EXTL3: variants seen among roughly 807,000 people sequenced by gnomAD.
EXTL3 encodes exostosin-like 3.
In EXTL3, 27 loss-of-function variants were observed where a neutral mutation model predicts 69.3. The observed-to-expected ratio is 0.39, with a 90% CI of 0.29 to 0.54. EXTL3 has a LOEUF of 0.54. Among genes scored for constraint, EXTL3 ranks in the 20% least tolerant of loss-of-function variants. The pLI is 0.69. For synonymous variants in EXTL3, 511 were observed against 499.4 expected (o/e 1.02, Z -0.31); for missense variants, 1,003 against 1,231.8 (o/e 0.81, Z 2.78).
In EXTL3 at chr8:28,754,156, C is replaced by T. The variant is rs1802071066; in HGVS notation, c.*3290C>T. 1 of 152,102 alleles carries T rather than the reference C, an allele frequency of 6.6e-6. No homozygotes were observed. Among genetic ancestry groups the T allele is most frequent in the Admixed American group, 6.6e-5 (1 of 15,240 alleles). 9.4% of individuals were successfully genotyped at this position (152,102 alleles called of 1,614,324 possible). A position where few individuals can be genotyped will look rare whatever the true frequency, so the allele number is the denominator to read the frequency against. ...TCGGTCCATAGGTCATGCCCCTGAC[C>T]TATAGGTCACTAAGGCACCTGTACC... On this transcript the variant is annotated 3_prime_UTR_variant, in exon 7 of 7. Coordinates refer to ENST00000220562, the MANE Select transcript of EXTL3 (RefSeq NM_001440.4).
intron 6 of EXTL3, among the ~76,000 whole-genome samples, chr8:28,749,580 C>T (rs149254691): frequency 6.6e-6 from 1 of 152,350 alleles, no homozygotes; most frequent in East Asian, 1.9e-4. Context: ...AAGTTCATGG[C>T]TATCTTGCAG....
chr8:28,672,023 T>C (rs1327928046), intron 1 of EXTL3, among the ~76,000 whole-genome samples: 1 of 152,160 alleles, frequency 6.6e-6, no homozygotes, highest in Non-Finnish European at 1.5e-5. Context: ...AACATTTAAC[T>C]TTTACATACA....
chr8:28,716,618 C>T lies in EXTL3; in HGVS notation c.559C>T (p.Arg187Cys). ...CRLHNCFDYS[R>C]CPLTSGFPVY... ...GCTACACAACTGCTTTGATTATTCT[C>T]GTTGCCCTCTCACCTCTGGCTTCCC... is the stretch of plus-strand genomic sequence containing the variant. Residue 187 changes from arginine (R) to cysteine (C), a missense_variant, in exon 3 of 7, where the codon CGT (arginine) becomes TGT (cysteine). Arg to Cys is a radical substitution (Grantham distance 180, BLOSUM62 -3). Coordinates refer to ENST00000220562, the MANE Select transcript of EXTL3 (RefSeq NM_001440.4). The surrounding 1 kb of genome is among the most constrained non-coding windows in gnomAD (Gnocchi z 7.1). The T allele has an allele frequency of 4.3e-6, 7 of 1,614,232 alleles. No homozygotes were observed. The highest frequency in any genetic ancestry group is 2.7e-5 in the African/African-American group (2 of 75,064).
chr8:28,737,302 A>G (rs1392339582), intron 4 of EXTL3, among the ~76,000 whole-genome samples: 15 of 152,196 alleles, frequency 9.9e-5, no homozygotes, highest in Non-Finnish European at 1.5e-5. Flanking sequence ...TGACTGCTAG[A>G]GGGACAATGT....
intron 1 of EXTL3, chr8:28,678,231 C>T (rs975855959): frequency 6.6e-6 from 1 of 152,244 alleles, no homozygotes; most frequent in African/African-American, 2.4e-5. Context: ...TCTCATCGAT[C>T]ACACACTGAA....
intron 1 of EXTL3, among the ~76,000 whole-genome samples, chr8:28,659,142 G>A (rs956609401): frequency 2.6e-5 from 4 of 152,124 alleles, no homozygotes; most frequent in African/African-American, 4.8e-5. Context: ...ATGGGGTGCT[G>A]TGCCAATTTG....
chr8:28,618,321 A>C (rs1806354582), upstream of EXTL3, among the ~76,000 whole-genome samples: 1 of 151,952 alleles, frequency 6.6e-6, no homozygotes, highest in African/African-American at 2.4e-5. Context: ...AAAGGTATAT[A>C]ATAATAATAA....
At chr8:28,648,313 G>A (rs947425329) in intron 1 of EXTL3, among the ~76,000 whole-genome samples, 5 of 151,882 alleles carry the variant, frequency 3.3e-5, no homozygotes, top group African/African-American at 4.8e-5. Flanking sequence ...TGAGTCTTTC[G>A]GAAAGATGTG....
intron 2 of EXTL3, among the ~76,000 whole-genome samples, chr8:28,615,528 T>C (rs1453697528): frequency 1.3e-5 from 2 of 152,202 alleles, no homozygotes; most frequent in East Asian, 1.9e-4. Flanking sequence ...AATTTTCCTT[T>C]CTCAAAAGTC....
chr8:28,732,165 A>T lies in EXTL3; in HGVS notation c.2276+815A>T, dbSNP rs537624017. Among the ~76,000 whole-genome samples the T allele has an allele frequency of 1.4e-3, 209 of 152,096 alleles. 2 individuals carry two copies. Among genetic ancestry groups the T allele is most frequent in the Non-Finnish European group, 1.9e-3 (129 of 68,022 alleles). On this transcript the variant is annotated intron_variant, in intron 4 of 6. Transcript: ENST00000220562. ...CCTTCTTGAGTCTTAGGAATTGCTG[A>T]AGGATCCCACTTGAGGGTCACTGCA... is the stretch of plus-strand genomic sequence containing the variant.
chr8:28,612,547 A>C (rs781016339), intron 2 of EXTL3, among the ~76,000 whole-genome samples: 3 of 152,136 alleles, frequency 2.0e-5, no homozygotes, highest in Non-Finnish European at 4.4e-5. Flanking sequence ...AGTATGCTTG[A>C]CCAATAATTT....
At chr8:28,676,083 T>A (rs1807378217) in intron 1 of EXTL3, among the ~76,000 whole-genome samples, 1 of 151,068 alleles carries the variant, frequency 6.6e-6, no homozygotes, top group South Asian at 2.1e-4. Context: ...GTTGGCTGGC[T>A]GAAACATAGA....
chr8:28,737,157 A>G (rs1256798746), intron 4 of EXTL3, among the ~76,000 whole-genome samples: 2 of 152,168 alleles, frequency 1.3e-5, no homozygotes, highest in Non-Finnish European at 2.9e-5. Context: ...AATTGATATC[A>G]TCTTTCTGCT....
intron 3 of EXTL3, among the ~76,000 whole-genome samples, chr8:28,722,774 T>TAAA (rs397711641): frequency 6.1e-5 from 6 of 97,590 alleles, no homozygotes; most frequent in Non-Finnish European, 8.2e-5. Context: ...ACCCTGTCTC[T>TAAA]AAAAAAAAAA....
intron 3 of EXTL3, among the ~76,000 whole-genome samples, chr8:28,723,859 C>T (rs1263700840): frequency 1.3e-5 from 2 of 152,062 alleles, no homozygotes; most frequent in Non-Finnish European, 2.9e-5. Flanking sequence ...CCAGGCTGGT[C>T]TCGAACTCCT....
At chr8:28,698,890 A>G (rs571569881), upstream of EXTL3, among the ~76,000 whole-genome samples, 70 of 152,266 alleles carry the variant, frequency 4.6e-4, no homozygotes, top group African/African-American at 1.6e-3. Flanking sequence ...GTTACTCGGG[A>G]GGGTGGGGCA....
At chr8:28,696,466 G>C (rs1362539239) in intron 1 of EXTL3, 1 of 152,088 alleles carries the variant, frequency 6.6e-6, no homozygotes, top group Non-Finnish European at 1.5e-5. Flanking sequence ...GGATGCTTTT[G>C]TTTAACATTG....
At chr8:28,656,878 G>C (rs1563437881) in intron 1 of EXTL3, among the ~76,000 whole-genome samples, 1 of 139,048 alleles carries the variant, frequency 7.2e-6, no homozygotes, top group South Asian at 2.4e-4. Flanking sequence ...CCATTATTAT[G>C]GTTGGTCTTT....
intron 1 of EXTL3, among the ~76,000 whole-genome samples, chr8:28,637,588 A>T (rs1806676531): frequency 6.6e-6 from 1 of 152,004 alleles, no homozygotes; most frequent in Non-Finnish European, 1.5e-5. Flanking sequence ...ACTTGAGCCC[A>T]GGAGTTTGAG....
Sources: gnomAD v4.1 joint callset for allele counts (sites outside exome capture counted in the v4.1 genomes callset) on GRCh38, gnomAD v4.1.1 for gene constraint, Gnocchi (gnomAD v3.1) non-coding constraint, MANE v1.5 for transcripts, NCBI Gene and HGNC (gene_info 2026-07-23, HGNC 2026-07-21) for gene names.